UNC5C: variants seen among roughly 807,000 people sequenced by gnomAD.
The protein encoded by UNC5C is unc-5 netrin receptor C.
UNC5C carries 47 observed loss-of-function variants against 99.8 expected under a neutral mutation model. The observed-to-expected ratio is 0.47, with a 90% CI of 0.37 to 0.60. The LOEUF (loss-of-function observed/expected upper bound fraction) is 0.60, where lower values mean the gene tolerates loss of function less well. Ranked by LOEUF, UNC5C falls within the 20% of genes least tolerant of loss-of-function variation. The pLI, the probability that UNC5C is intolerant of heterozygous loss-of-function variation, is 0.00. For synonymous variants in UNC5C, 487 were observed against 452.2 expected (o/e 1.08, Z -0.98); for missense variants, 1,062 against 1,165.9 (o/e 0.91, Z 1.30).
intron 2 of UNC5C, among the ~76,000 whole-genome samples, chr4:95,327,904 C>T (rs1371320922): frequency 6.6e-6 from 1 of 151,912 alleles, no homozygotes; most frequent in African/African-American, 2.4e-5. Flanking sequence ...ACACTGGGTG[C>T]AGGAACCCAA....
intron 1 of UNC5C, among the ~76,000 whole-genome samples, chr4:95,448,654 T>A (rs956383294): frequency 1.3e-5 from 2 of 152,226 alleles, no homozygotes; most frequent in Admixed American, 6.5e-5. Context: ...GCAATAACAT[T>A]TTCCACGTAT....
At chr4:95,260,463 C>T (rs1740178770) in intron 4 of UNC5C, among the ~76,000 whole-genome samples, 1 of 152,160 alleles carries the variant, frequency 6.6e-6, no homozygotes, top group South Asian at 2.1e-4. Flanking sequence ...GGTGACCTTG[C>T]CACCTCCAGC....
chr4:95,171,070 A>G (rs1315706620), intron 14 of UNC5C, among the ~76,000 whole-genome samples: 1 of 152,224 alleles, frequency 6.6e-6, no homozygotes, highest in Non-Finnish European at 1.5e-5. Flanking sequence ...ACAAATGCAA[A>G]ATCTGAATTT....
chr4:95,424,525 T>C (rs918189809), intron 1 of UNC5C, among the ~76,000 whole-genome samples: 3 of 130,658 alleles, frequency 2.3e-5, no homozygotes, highest in Non-Finnish European at 4.8e-5. Context: ...TTTCTTTTTT[T>C]TTTTTTTTTT....
chr4:95,532,301 C>T (rs1460500057), intron 1 of UNC5C, among the ~76,000 whole-genome samples: 1 of 152,100 alleles, frequency 6.6e-6, no homozygotes, highest in African/African-American at 2.4e-5. Context: ...TACAACTTCA[C>T]ATTCACCTTG....
At chr4:95,212,920 G>A (rs1172717319) in intron 10 of UNC5C, among the ~76,000 whole-genome samples, 3 of 152,118 alleles carry the variant, frequency 2.0e-5, no homozygotes, top group Non-Finnish European at 4.4e-5. Context: ...CCTCCGGCCC[G>A]GTTCCTCCTC....
chr4:95,256,909 A>T (rs1579273094), intron 4 of UNC5C, among the ~76,000 whole-genome samples: 1 of 151,752 alleles, frequency 6.6e-6, no homozygotes, highest in African/African-American at 2.4e-5. Flanking sequence ...GTAGGCTGGG[A>T]GGCTAGGCCA....
intron 4 of UNC5C, among the ~76,000 whole-genome samples, chr4:95,277,245 G>A (rs574604378): frequency 2.0e-5 from 3 of 152,252 alleles, no homozygotes; most frequent in African/African-American, 7.2e-5. Context: ...GGTCCCAATT[G>A]CAACAACTGA....
chr4:95,525,596 T>TAAAAAAAAAAAAAA (rs574532435), intron 1 of UNC5C, among the ~76,000 whole-genome samples: 9 of 102,164 alleles, frequency 8.8e-5, no homozygotes, highest in African/African-American at 2.8e-4. Flanking sequence ...GCCTATTTCT[T>TAAAAAAAAAAAAAA]AAAAAAAAAA....
At chr4:95,534,476 G>A (rs1183811923) in intron 1 of UNC5C, among the ~76,000 whole-genome samples, 1 of 152,096 alleles carries the variant, frequency 6.6e-6, no homozygotes, top group African/African-American at 2.4e-5. Context: ...AAATAAGAAT[G>A]AGTATTCTTT....
chr4:95,183,762 G>A (rs1037961299), intron 13 of UNC5C, among the ~76,000 whole-genome samples: 2 of 152,148 alleles, frequency 1.3e-5, no homozygotes, highest in Non-Finnish European at 2.9e-5. Context: ...CAGTGGCTTC[G>A]GAGCCAAATC....
chr4:95,353,536 T>C (rs1197728303), intron 1 of UNC5C, among the ~76,000 whole-genome samples: 1 of 152,006 alleles, frequency 6.6e-6, no homozygotes, highest in Non-Finnish European at 1.5e-5. Context: ...GAAAAAACTG[T>C]TTTATAAATA....
chr4:95,489,475 A>G (rs1307025830), intron 1 of UNC5C, among the ~76,000 whole-genome samples: 1 of 151,698 alleles, frequency 6.6e-6, no homozygotes, highest in Non-Finnish European at 1.5e-5. Context: ...AGGTATTAGA[A>G]GATCACATGG....
At chr4:95,526,535 C>T (rs17024127) in intron 1 of UNC5C, among the ~76,000 whole-genome samples, 18,152 of 151,846 alleles carry the variant, frequency 0.12, 1,592 homozygotes, top group East Asian at 0.23. Context: ...CAAAAAATGG[C>T]CAGAAATAGG....
intron 4 of UNC5C, among the ~76,000 whole-genome samples, chr4:95,277,593 G>A (rs1419684986): frequency 1.3e-5 from 2 of 152,186 alleles, no homozygotes; most frequent in Admixed American, 6.5e-5. Context: ...CTTCCCCAAA[G>A]AGAGATATTT....
At chr4:95,525,205 T>C (rs1415481892) in intron 1 of UNC5C, among the ~76,000 whole-genome samples, 1 of 152,186 alleles carries the variant, frequency 6.6e-6, no homozygotes, top group Non-Finnish European at 1.5e-5. Flanking sequence ...AATGCATTAG[T>C]TCTAACTGAG....
At chr4:95,299,169 G>T (rs981500242) in intron 3 of UNC5C, among the ~76,000 whole-genome samples, 3 of 152,050 alleles carry the variant, frequency 2.0e-5, no homozygotes, top group Non-Finnish European at 4.4e-5. Context: ...GTTAGGGTGG[G>T]CCCCAACCCA....
chr4:95,290,624 G>T (rs1030460786), intron 3 of UNC5C, among the ~76,000 whole-genome samples: 1 of 152,064 alleles, frequency 6.6e-6, no homozygotes, highest in Admixed American at 6.5e-5. Flanking sequence ...ATAGGATGTC[G>T]TATGAAGATT....
intron 4 of UNC5C, among the ~76,000 whole-genome samples, chr4:95,253,541 G>A (rs1304712257): frequency 6.6e-6 from 1 of 152,156 alleles, no homozygotes; most frequent in African/African-American, 2.4e-5. Context: ...GACGACCCCT[G>A]TGGGGGACAC....
Sources: gnomAD v4.1 joint callset for allele counts (sites outside exome capture counted in the v4.1 genomes callset) on GRCh38, gnomAD v4.1.1 for gene constraint, MANE v1.5 for transcripts, NCBI Gene and HGNC (gene_info 2026-07-23, HGNC 2026-07-21) for gene names.